The following RALYL variants were observed in gnomAD, a reference collection of about 807,000 sequenced individuals.
RALYL encodes the protein RNA-binding Raly-like protein.
In RALYL, 29 loss-of-function variants were observed where a neutral mutation model predicts 35.1. That is an observed-to-expected ratio of 0.83 (90% confidence interval 0.61 to 1.13). RALYL has a LOEUF of 1.13. Among genes scored for constraint, RALYL ranks in the 50% most tolerant of loss-of-function variants. The pLI is 0.00. For missense variants in RALYL, 359 were observed against 360.4 expected (o/e 1.00, Z 0.03); for synonymous variants, 120 against 127.6 (o/e 0.94, Z 0.40).
At chr8:84,758,441 G>A (rs543781445) in intron 2 of RALYL, among the ~76,000 whole-genome samples, 2 of 152,188 alleles carry the variant, frequency 1.3e-5, no homozygotes, top group Non-Finnish European at 2.9e-5. Context: ...ATTTCTGTGG[G>A]TCAGGAACCT....
chr8:84,430,355 C>G (rs1350416152), intron 1 of RALYL, among the ~76,000 whole-genome samples: 1 of 152,088 alleles, frequency 6.6e-6, no homozygotes, highest in Non-Finnish European at 1.5e-5. Flanking sequence ...GTACTGTATA[C>G]TTTTCTTTGG....
intron 1 of RALYL, among the ~76,000 whole-genome samples, chr8:84,239,860 C>T (rs1485124897): frequency 6.6e-6 from 1 of 151,976 alleles, no homozygotes; most frequent in Non-Finnish European, 1.5e-5. Flanking sequence ...CCACTGCACT[C>T]CAGCCTGGGC....
intron 2 of RALYL, among the ~76,000 whole-genome samples, chr8:84,563,580 T>A (rs1170333784): frequency 2.0e-5 from 3 of 151,692 alleles, no homozygotes; most frequent in East Asian, 1.9e-4. Context: ...TTTTTTTTTT[T>A]AAATTACCAG....
At chr8:84,553,260 C>G (rs538629780) in intron 2 of RALYL, among the ~76,000 whole-genome samples, 2 of 152,108 alleles carry the variant, frequency 1.3e-5, no homozygotes, top group Admixed American at 1.3e-4. Context: ...TACCTGGGCT[C>G]GAAGGATCTT....
chr8:84,378,532 A>T (rs1264382964), intron 1 of RALYL, among the ~76,000 whole-genome samples: 1 of 151,922 alleles, frequency 6.6e-6, no homozygotes, highest in Non-Finnish European at 1.5e-5. Flanking sequence ...AAAACAATAG[A>T]TGTGTCTAGG....
intron 1 of RALYL, among the ~76,000 whole-genome samples, chr8:84,291,048 T>C (rs1029400228): frequency 5.9e-5 from 9 of 152,208 alleles, no homozygotes; most frequent in Non-Finnish European, 8.8e-5. Flanking sequence ...CACTATTCTA[T>C]ACTGTTGAAA....
intron 2 of RALYL, among the ~76,000 whole-genome samples, chr8:84,576,014 C>G (rs1283608142): frequency 6.7e-6 from 1 of 149,878 alleles, no homozygotes; most frequent in African/African-American, 2.4e-5. Context: ...AGTTATTATT[C>G]TATCATATCC....
intron 1 of RALYL, among the ~76,000 whole-genome samples, chr8:84,414,046 T>G (rs1253898543): frequency 6.6e-6 from 1 of 152,106 alleles, no homozygotes; most frequent in African/African-American, 2.4e-5. Flanking sequence ...ATGGGGTAAT[T>G]AAAGTGCATA....
chr8:84,769,724 G>A (rs772511430), intron 2 of RALYL, among the ~76,000 whole-genome samples: 2 of 152,102 alleles, frequency 1.3e-5, no homozygotes, highest in Non-Finnish European at 2.9e-5. Flanking sequence ...GCGACAGAGT[G>A]AGACTCTGTC....
At chr8:84,619,793 T>C (rs1820852713) in intron 2 of RALYL, among the ~76,000 whole-genome samples, 1 of 150,794 alleles carries the variant, frequency 6.6e-6, no homozygotes, top group Non-Finnish European at 1.5e-5. Flanking sequence ...GGCCTGATGG[T>C]GACAAAATCT....
At chr8:84,553,541 T>C (rs2060896410) in intron 2 of RALYL, among the ~76,000 whole-genome samples, 1 of 152,220 alleles carries the variant, frequency 6.6e-6, no homozygotes, top group South Asian at 2.1e-4. Context: ...GCAGGTTCCA[T>C]CTGCCAGCCT....
chr8:84,404,349 A>G (rs923703041), intron 1 of RALYL, among the ~76,000 whole-genome samples: 2 of 152,124 alleles, frequency 1.3e-5, no homozygotes, highest in Non-Finnish European at 2.9e-5. Context: ...ATGTTCCATC[A>G]ATACCTAGTT....
intron 7 of RALYL, among the ~76,000 whole-genome samples, chr8:84,875,289 A>G (rs1840928435): frequency 6.6e-6 from 1 of 152,102 alleles, no homozygotes; most frequent in African/African-American, 2.4e-5. Flanking sequence ...TTAAAGGATT[A>G]TGGAGAACTC....
At chr8:84,788,291 C>T (rs1820010364) in intron 3 of RALYL, among the ~76,000 whole-genome samples, 1 of 152,132 alleles carries the variant, frequency 6.6e-6, no homozygotes, top group African/African-American at 2.4e-5. Context: ...ACCATATGAT[C>T]TTTGACAAAC....
intron 1 of RALYL, among the ~76,000 whole-genome samples, chr8:84,498,953 A>G (rs534370616): frequency 3.3e-5 from 5 of 152,184 alleles, no homozygotes; most frequent in Non-Finnish European, 7.4e-5. Context: ...CCAAGGAAAT[A>G]AAGGAAAAAG....
chr8:84,757,227 C>T (rs1811639993), intron 2 of RALYL, among the ~76,000 whole-genome samples: 2 of 152,012 alleles, frequency 1.3e-5, no homozygotes, highest in East Asian at 1.9e-4. Flanking sequence ...ATGCCTGAAA[C>T]ATCATATGCA....
intron 2 of RALYL, among the ~76,000 whole-genome samples, chr8:84,636,952 T>G (rs1825193886): frequency 6.6e-6 from 1 of 151,940 alleles, no homozygotes; most frequent in African/African-American, 2.4e-5. Flanking sequence ...GTTGATGTTC[T>G]AACTATTCTG....
chr8:84,890,372 A>G (rs1843613467), intron 8 of RALYL, among the ~76,000 whole-genome samples: 2 of 152,170 alleles, frequency 1.3e-5, no homozygotes, highest in Admixed American at 6.6e-5. Flanking sequence ...AGAGATGGGC[A>G]CTATCACAGA....
At chr8:84,812,561 C>G (rs561340068) in intron 4 of RALYL, among the ~76,000 whole-genome samples, 1 of 152,112 alleles carries the variant, frequency 6.6e-6, no homozygotes, top group African/African-American at 2.4e-5. Flanking sequence ...GGGGGCAGGG[C>G]TAGGCATGTC....
Sources: gnomAD v4.1 joint callset for allele counts (sites outside exome capture counted in the v4.1 genomes callset) on GRCh38, gnomAD v4.1.1 for gene constraint, MANE v1.5 for transcripts, NCBI Gene and HGNC (gene_info 2026-07-23, HGNC 2026-07-21) for gene names.